FBXL7: variants seen among roughly 807,000 people sequenced by gnomAD.
The protein encoded by FBXL7 is F-box and leucine rich repeat protein 7.
FBXL7 carries 12 observed loss-of-function variants against 38.3 expected under a neutral mutation model. That is an observed-to-expected ratio of 0.31 (90% CI 0.20 to 0.51). FBXL7 has a LOEUF of 0.51. Among genes scored for constraint, FBXL7 ranks in the 20% least tolerant of loss-of-function variants. The pLI, the probability that FBXL7 is intolerant of heterozygous loss-of-function variation, is 0.98. For synonymous variants in FBXL7, 297 were observed against 300.9 expected, an observed-to-expected ratio of 0.99 and a Z score of 0.13; for missense variants, 567 against 676.4, an observed-to-expected ratio of 0.84 and a Z score of 1.79.
intron 1 of FBXL7, among the ~76,000 whole-genome samples, chr5:15,596,271 A>G (rs573982630): frequency 6.6e-6 from 1 of 152,354 alleles, no homozygotes; most frequent in Admixed American, 6.5e-5. Context: ...TAGATTAAAA[A>G]AGCATGGTAT....
At chr5:15,903,332 C>G (rs142680072) in intron 2 of FBXL7, among the ~76,000 whole-genome samples, 166 of 152,288 alleles carry the variant, frequency 1.1e-3, no homozygotes, top group African/African-American at 3.5e-3. Flanking sequence ...CTGACAGGTT[C>G]TCCACATCTT....
chr5:15,735,249 C>A (rs991851751), intron 2 of FBXL7, among the ~76,000 whole-genome samples: 1 of 152,118 alleles, frequency 6.6e-6, no homozygotes, highest in Non-Finnish European at 1.5e-5. Flanking sequence ...AAAATCATTT[C>A]TAGGTATTCT....
At chr5:15,824,098 C>T (rs564586963) in intron 2 of FBXL7, among the ~76,000 whole-genome samples, 2 of 151,542 alleles carry the variant, frequency 1.3e-5, no homozygotes, top group African/African-American at 4.9e-5. Flanking sequence ...ACCAACGAGA[C>T]CAGCCTGACC....
chr5:15,786,102 T>C (rs878963), intron 2 of FBXL7, among the ~76,000 whole-genome samples: 6,682 of 152,278 alleles, frequency 0.044, 261 homozygotes, highest in African/African-American at 0.09. Flanking sequence ...TAAATCATTT[T>C]TTCTGCTAGT....
chr5:15,543,258 C>A (rs368983145), intron 1 of FBXL7, among the ~76,000 whole-genome samples: 3 of 152,250 alleles, frequency 2.0e-5, no homozygotes, highest in African/African-American at 7.2e-5. Context: ...AGCAAAGGTA[C>A]GTCTTACATG....
intron 2 of FBXL7, among the ~76,000 whole-genome samples, chr5:15,901,283 A>G (rs1310084046): frequency 6.6e-6 from 1 of 152,210 alleles, no homozygotes; most frequent in Non-Finnish European, 1.5e-5. Flanking sequence ...TTTTTGATTC[A>G]TGGATGACTG....
chr5:15,833,923 A>G (rs1448209135), intron 2 of FBXL7, among the ~76,000 whole-genome samples: 1 of 152,244 alleles, frequency 6.6e-6, no homozygotes, highest in Non-Finnish European at 1.5e-5. Flanking sequence ...TAACAATTTT[A>G]TATAGGGAAG....
At chr5:15,764,425 T>C (rs1053026254) in intron 2 of FBXL7, among the ~76,000 whole-genome samples, 1 of 152,214 alleles carries the variant, frequency 6.6e-6, no homozygotes, top group Admixed American at 6.5e-5. Context: ...ATAAGCATTG[T>C]AGAAGTGAAC....
intron 1 of FBXL7, among the ~76,000 whole-genome samples, chr5:15,598,669 G>A (rs1739701100): frequency 6.6e-6 from 1 of 152,058 alleles, no homozygotes; most frequent in Non-Finnish European, 1.5e-5. Flanking sequence ...AATACAGTAT[G>A]GCGTCCAACA....
intron 1 of FBXL7, among the ~76,000 whole-genome samples, chr5:15,514,776 T>G (rs769739398): frequency 1.3e-5 from 2 of 152,144 alleles, no homozygotes; most frequent in Non-Finnish European, 2.9e-5. Context: ...CCACTGAAGG[T>G]TCACAGCCCA....
chr5:15,829,079 C>T (rs546660820), intron 2 of FBXL7, among the ~76,000 whole-genome samples: 6 of 152,248 alleles, frequency 3.9e-5, no homozygotes, highest in Admixed American at 1.3e-4. Context: ...GTCACTGCCC[C>T]GCATTATTAG....
intron 2 of FBXL7, among the ~76,000 whole-genome samples, chr5:15,678,112 G>C (rs1005868498): frequency 2.0e-5 from 3 of 152,134 alleles, no homozygotes; most frequent in African/African-American, 7.2e-5. Flanking sequence ...AGTTGGCCAA[G>C]GGAGGCTGGA....
intron 1 of FBXL7, among the ~76,000 whole-genome samples, chr5:15,537,796 C>T (rs1187060529): frequency 6.6e-6 from 1 of 152,178 alleles, no homozygotes; most frequent in Admixed American, 6.5e-5. Context: ...GAGCAGGAGC[C>T]AGGGGCCACT....
At chr5:15,888,170 T>C (rs1296837351) in intron 2 of FBXL7, among the ~76,000 whole-genome samples, 1 of 152,150 alleles carries the variant, frequency 6.6e-6, no homozygotes, top group African/African-American at 2.4e-5. Flanking sequence ...GATGAACTGA[T>C]TGTTATGATC....
chr5:15,590,065 T>C (rs1739425640), intron 1 of FBXL7, among the ~76,000 whole-genome samples: 1 of 152,204 alleles, frequency 6.6e-6, no homozygotes, highest in Admixed American at 6.5e-5. Flanking sequence ...TCTTAAGATA[T>C]CTTTGACCTT....
At chr5:15,932,950 C>A (rs1742080500) in intron 3 of FBXL7, among the ~76,000 whole-genome samples, 1 of 152,008 alleles carries the variant, frequency 6.6e-6, no homozygotes, top group Non-Finnish European at 1.5e-5. Flanking sequence ...AAATTGAAGT[C>A]TTGGAATGAG....
intron 3 of FBXL7, among the ~76,000 whole-genome samples, chr5:15,929,150 G>A (rs1306301595): frequency 6.6e-6 from 1 of 152,208 alleles, no homozygotes; most frequent in Admixed American, 6.5e-5. Flanking sequence ...CACTGTGGGT[G>A]ATAAAACACT....
intron 2 of FBXL7, among the ~76,000 whole-genome samples, chr5:15,673,886 A>G (rs955199965): frequency 2.6e-5 from 4 of 152,166 alleles, no homozygotes; most frequent in African/African-American, 9.7e-5. Context: ...TCCAAAAACA[A>G]TGTGACTCAA....
chr5:15,820,952 C>T (rs902360346), intron 2 of FBXL7, among the ~76,000 whole-genome samples: 12 of 152,134 alleles, frequency 7.9e-5, no homozygotes, highest in Non-Finnish European at 1.5e-4. Flanking sequence ...ACCCCTCCAC[C>T]ACCCCGCAAA....
Sources: allele counts gnomAD v4.1 joint callset (sites outside exome capture counted in the v4.1 genomes callset), GRCh38; gene constraint gnomAD v4.1.1; transcripts MANE v1.5; gene names NCBI Gene and HGNC (gene_info 2026-07-23, HGNC 2026-07-21).